Variants in FOXB1 observed in about 807,000 individuals in gnomAD.
FOXB1 encodes the protein forkhead box protein B1.
A neutral mutation model predicts 18.6 loss-of-function variants in FOXB1; 6 were observed. That is an observed-to-expected ratio of 0.32 (90% CI 0.18 to 0.64). FOXB1 has a LOEUF of 0.64. Ranked by LOEUF, FOXB1 falls within the 30% of genes least tolerant of loss-of-function variation. The probability of loss-of-function intolerance (pLI) is 0.78; values close to 1 mark genes in which losing one functional copy is unlikely to be tolerated. For missense variants in FOXB1, 419 were observed against 463.6 expected (o/e 0.90, Z 0.88); for synonymous variants, 213 against 216.0 (o/e 0.99, Z 0.12).
At position 60,006,142 on chromosome 15, in the gene FOXB1, G is replaced by T. The variant is rs902488020; in HGVS notation, c.*201G>T. On this transcript the variant is annotated 3_prime_UTR_variant, in exon 2 of 2. Coordinates refer to ENST00000396057, the MANE Select transcript of FOXB1 (RefSeq NM_012182.3). The stretch of plus-strand genomic sequence containing the variant: ...AACTTGCAGATGGGCCGAGAGGCGC[G>T]TGGGAGTTGTCCTCGCCCCCACATC... The T allele has an allele frequency of 3.3e-4, 215 of 655,546 alleles. 2 individuals carry two copies. Among genetic ancestry groups the T allele is most frequent in the South Asian group, 2.0e-4 (9 of 46,030 alleles). 40.6% of individuals were successfully genotyped at this position (655,546 alleles called of 1,614,324 possible). A position where few individuals can be genotyped will look rare whatever the true frequency, so the allele number is the denominator to read the frequency against.
chr15:60,005,515 G>A lies in FOXB1; in HGVS notation c.552G>A (p.Gly184=), dbSNP rs887970000. The A allele has an allele frequency of 1.2e-6, 2 of 1,611,174 alleles. No individual in the cohort carries two copies. The highest frequency in any genetic ancestry group is 1.7e-6 in the Non-Finnish European group (2 of 1,179,352). The change falls in exon 2 of 2, where the codon GGG becomes GGA. Residue 184 remains glycine, a synonymous_variant. Transcript: ENST00000396057. The surrounding 1 kb of genome is among the most constrained non-coding windows in gnomAD (Gnocchi z 9.8). ...TCGCGCGGGAATACAAGATGCCTGG[G>A]GGGCTGGCCTTCTCCGCCATGCAGC... ...NIIAREYKMP[G]GLAFSAMQPV... is the part of the protein sequence containing the mutation.
Position 60,004,943 on chromosome 15 carries a change from A to C in FOXB1, c.-21A>C, listed in dbSNP as rs772040881. The C allele has an allele frequency of 2.5e-6, 4 of 1,598,778 alleles. No individual in the cohort carries two copies. In the East Asian group the frequency reaches 6.7e-5, roughly 27 times the overall value. On this transcript the variant is annotated 5_prime_UTR_variant, in exon 2 of 2. Coordinates refer to ENST00000396057, the MANE Select transcript of FOXB1 (RefSeq NM_012182.3). Reference sequence around the variant, plus strand: ...CCGCCGGCCCGCGCGGACCCAGAGCAAGAAGAGGGCGAGGAAGAAGATGCC... The same window carrying C: ...CCGCCGGCCCGCGCGGACCCAGAGCCAGAAGAGGGCGAGGAAGAAGATGCC...
chr15:60,005,785 TGCGCTGCCA>T lies in FOXB1; in HGVS notation c.827_835del (p.Leu276_Ala278del). Reference sequence around the variant, plus strand: ...CGCCGGCCGCCGTGCCCGCGCTGCCTGCGCTGCCAGCGCCCATCCCCACCTTGCTCTCGA... The same window carrying T: ...CGCCGGCCGCCGTGCCCGCGCTGCCTGCGCCCATCCCCACCTTGCTCTCGA... On this transcript the variant is annotated inframe_deletion, in exon 2 of 2. Transcript: ENST00000396057. The surrounding 1 kb of genome is among the most constrained non-coding windows in gnomAD (Gnocchi z 9.8). The T allele has an allele frequency of 1.2e-6, 2 of 1,603,854 alleles. No homozygotes were observed. Among genetic ancestry groups the T allele is most frequent in the Non-Finnish European group, 1.7e-6 (2 of 1,177,314 alleles).
At chr15:60,004,874 G>A in intron 1 of FOXB1, 33 bp from the exon 2 acceptor site, 5 of 1,421,434 alleles carry the variant, frequency 3.5e-6, no homozygotes, top group Non-Finnish European at 4.7e-6. Context: ...GTGCATCCAT[G>A]CTACCTTTCC....
rs1266125914 is a variant in FOXB1, at chr15:60,005,007, C to A, written c.44C>A (p.Pro15His). 1.2e-6 allele frequency: 2 copies of A among 1,614,024 alleles called. No homozygotes were observed. Among genetic ancestry groups the A allele is most frequent in the Non-Finnish European group, 1.7e-6 (2 of 1,179,948 alleles). ...GRNTYSDQKP[P>H]YSYISLTAMA... The stretch of plus-strand genomic sequence containing the variant: ...AACACGTACAGCGACCAGAAGCCGC[C>A]CTACTCGTACATCTCGCTGACCGCT... Residue 15 changes from proline (P) to histidine (H), a missense_variant, in exon 2 of 2, where the codon CCC becomes CAC. Around this residue, in one of 3 missense-constraint regions of FOXB1, gnomAD observed 153 missense variants for 173.8 expected, o/e 0.88. Coordinates refer to ENST00000396057, the MANE Select transcript of FOXB1 (RefSeq NM_012182.3). This position sits in a 1 kb window ranked among gnomAD's most constrained non-coding sequence, Gnocchi z 9.8.
At chr15:60,004,834 C>A in intron 1 of FOXB1, 73 bp from the exon 2 acceptor site, 2 of 315,460 alleles carry the variant, frequency 6.3e-6, no homozygotes, top group Non-Finnish European at 1.1e-5. Context: ...AAGTCTGTTA[C>A]TCGGTCTGGC....
chr15:60,004,613 A>C lies in FOXB1; in HGVS notation c.-88A>C. 5.2e-6 allele frequency: 1 copy of C among 192,698 alleles called. No homozygotes were observed. The allele number at this position is 192,698 out of a possible 1,614,324, so 11.9% of individuals were successfully genotyped here. A position where few individuals can be genotyped will look rare whatever the true frequency, so the allele number is the denominator to read the frequency against. On this transcript the variant is annotated 5_prime_UTR_variant, in exon 1 of 2. It removes an upstream start codon present in the reference 5' UTR. Transcript: ENST00000396057. ...GCGGCGCGCAGCGGCGTCCTCCCGGATGCGGACGCGCAACTTGAAGCAACT... is the reference window on the plus strand; with the variant it reads ...GCGGCGCGCAGCGGCGTCCTCCCGGCTGCGGACGCGCAACTTGAAGCAACT...
In FOXB1 at chr15:60,006,363, A is replaced by C; in HGVS notation, c.*422A>C. On this transcript the variant is annotated 3_prime_UTR_variant, in exon 2 of 2. Transcript: ENST00000396057. Reference sequence around the variant, plus strand: ...GAAACTGCCTCAGATGTTTCCAGGAACAGATCCCCCCCACACCCCCTCCCC... The same window carrying C: ...GAAACTGCCTCAGATGTTTCCAGGACCAGATCCCCCCCACACCCCCTCCCC... 5.6e-6 allele frequency: 1 copy of C among 179,656 alleles called. No individual in the cohort carries two copies. The highest frequency in any genetic ancestry group is 1.1e-5 in the Non-Finnish European group (1 of 87,240). 11.1% of individuals were successfully genotyped at this position (179,656 alleles called of 1,614,324 possible).
Position 60,005,837 on chromosome 15 carries a change from A to T in FOXB1, c.874A>T (p.Ser292Cys). 6.2e-7 allele frequency: 1 copy of T among 1,603,882 alleles called. No homozygotes were observed. The highest frequency in any genetic ancestry group is 1.1e-5 in the South Asian group (1 of 90,156). ...TLLSNSPPSLSPTSSQTATSQ... is the reference protein window; with the variant it reads ...TLLSNSPPSLCPTSSQTATSQ... ...GCTCTCGAACTCGCCGCCCTCGCTC[A>T]GCCCCACGTCCTCGCAAACAGCCAC... is the stretch of plus-strand genomic sequence containing the variant. The change falls in exon 2 of 2, where the codon AGC becomes TGC. Residue 292 changes from serine (S) to cysteine (C), a missense_variant. Transcript: ENST00000396057. This position sits in a 1 kb window ranked among gnomAD's most constrained non-coding sequence, Gnocchi z 9.8.
At position 60,005,945 on chromosome 15, in the gene FOXB1, G is replaced by C. The variant is rs760413711; in HGVS notation, c.*4G>C. ...GCACTCGGTGGCGGTGCACTGACCC[G>C]CAGGAGCCCACGCCCCCTCTCGTTC... On this transcript the variant is annotated 3_prime_UTR_variant, in exon 2 of 2. Coordinates refer to ENST00000396057, the MANE Select transcript of FOXB1 (RefSeq NM_012182.3). This position sits in a 1 kb window ranked among gnomAD's most constrained non-coding sequence, Gnocchi z 9.8. 2 of 1,574,824 alleles carry C rather than the reference G, an allele frequency of 1.3e-6. No homozygotes were observed. The highest frequency in any genetic ancestry group is 1.7e-6 in the Non-Finnish European group (2 of 1,166,028).
In FOXB1 at chr15:60,005,880, C is replaced by A. The variant is rs1168196405; in HGVS notation, c.917C>A (p.Ala306Asp). Residue 306 changes from alanine (A) to aspartate (D), a missense_variant, in exon 2 of 2, where the codon GCC becomes GAC. Physicochemically the swap from Ala to Asp is moderately radical, Grantham distance 126 (BLOSUM62 -2). This residue lies in a region of FOXB1 where 195 missense variants were observed against 179.8 expected (regional missense o/e 1.08). Transcript: ENST00000396057. The surrounding 1 kb of genome is among the most constrained non-coding windows in gnomAD (Gnocchi z 9.8). ...SQTATSQSSP[A>D]TPSETLTSPA... Reference sequence around the variant, plus strand: ...ACAGCCACCAGCCAAAGCAGCCCCGCCACCCCCAGCGAAACGCTCACCAGC... The same window carrying A: ...ACAGCCACCAGCCAAAGCAGCCCCGACACCCCCAGCGAAACGCTCACCAGC... 6.3e-7 allele frequency: 1 copy of A among 1,597,674 alleles called. No individual in the cohort carries two copies. Among genetic ancestry groups the A allele is most frequent in the Non-Finnish European group, 8.5e-7 (1 of 1,173,966 alleles).
rs1892062167 is a variant in FOXB1 at position 60,004,333 on chromosome 15, A to AT, written c.-367dup. ...ACTATCAGATGGTTCGAGGGAGGACATGGAGGCAGCCACCTAGCTCAGCGG... is the reference window on the plus strand; with the variant it reads ...ACTATCAGATGGTTCGAGGGAGGACATTGGAGGCAGCCACCTAGCTCAGCGG... On this transcript the variant is annotated 5_prime_UTR_variant, in exon 1 of 2. It removes an upstream start codon present in the reference 5' UTR. Coordinates refer to ENST00000396057, the MANE Select transcript of FOXB1 (RefSeq NM_012182.3). The AT allele has an allele frequency of 2.0e-5, 3 of 152,356 alleles. 1 individual carries two copies. The highest frequency in any genetic ancestry group is 4.4e-5 in the Non-Finnish European group (3 of 68,086). 9.4% of individuals were successfully genotyped at this position (152,356 alleles called of 1,614,324 possible).
In FOXB1 at chr15:60,005,175, T is replaced by TC. The variant is rs1567133559; in HGVS notation, c.213dup (p.Ile72HisfsTer42). ...CACAACCTCTCCTTCAACGACTGCTTCATCAAGATCCCGCGGCGGCCGGAC... is the reference window on the plus strand; with the variant it reads ...CACAACCTCTCCTTCAACGACTGCTTCCATCAAGATCCCGCGGCGGCCGGAC... On this transcript the variant is annotated frameshift_variant, in exon 2 of 2. Coordinates refer to ENST00000396057, the MANE Select transcript of FOXB1 (RefSeq NM_012182.3). LOFTEE classifies it high-confidence loss of function. This position sits in a 1 kb window ranked among gnomAD's most constrained non-coding sequence, Gnocchi z 9.8. The TC allele has an allele frequency of 6.2e-7, 1 of 1,614,176 alleles. No homozygotes were observed. Among genetic ancestry groups the TC allele is most frequent in the Non-Finnish European group, 8.5e-7 (1 of 1,180,028 alleles).
Position 60,004,932 on chromosome 15 carries a change from G to A in FOXB1, c.-32G>A. On this transcript the variant is annotated 5_prime_UTR_variant, in exon 2 of 2. Coordinates refer to ENST00000396057, the MANE Select transcript of FOXB1 (RefSeq NM_012182.3). The stretch of plus-strand genomic sequence containing the variant: ...ATCCGAGCAGTCCGCCGGCCCGCGC[G>A]GACCCAGAGCAAGAAGAGGGCGAGG... 2 of 1,586,974 alleles carry A rather than the reference G, an allele frequency of 1.3e-6. No individual in the cohort carries two copies. The highest frequency in any genetic ancestry group is 1.7e-6 in the Non-Finnish European group (2 of 1,166,074).
In FOXB1 at chr15:60,005,457, G is replaced by T. The variant is rs185361903; in HGVS notation, c.494G>T (p.Gly165Val). The T allele has an allele frequency of 3.7e-4, 597 of 1,611,634 alleles. 7 individuals carry two copies. The East Asian group carries it at 0.011, about 31-fold the overall frequency. Residue 165 changes from glycine to valine, a missense_variant, in exon 2 of 2, where the codon GGC (glycine) becomes GTC (valine). By Grantham distance (109) the Gly-to-Val change is moderately radical (BLOSUM62 -3). Coordinates refer to ENST00000396057, the MANE Select transcript of FOXB1 (RefSeq NM_012182.3). This position sits in a 1 kb window ranked among gnomAD's most constrained non-coding sequence, Gnocchi z 9.8. ...TTGGGCGGCGTGGCGCAGCCCTCGG[G>T]CTTCAAGCACCCCTTCGCCATCGAG... ...YNLGGVAQPS[G>V]FKHPFAIENI...
In FOXB1 at chr15:60,005,092, C is replaced by T. The variant is rs150894965; in HGVS notation, c.129C>T (p.Ile43=). 2.5e-6 allele frequency: 4 copies of T among 1,614,094 alleles called. No individual in the cohort carries two copies. In the African/African-American group the frequency reaches 4.0e-5, roughly 16 times the overall value. ...CGCTGAGCGAGATCTACAAGTTCATCATGGACCGCTTCCCCTACTACAGGG... is the reference window on the plus strand; with the variant it reads ...CGCTGAGCGAGATCTACAAGTTCATTATGGACCGCTTCCCCTACTACAGGG... ...MLPLSEIYKF[I]MDRFPYYREN... Residue 43 remains isoleucine (I), a synonymous_variant, in exon 2 of 2, where the codon ATC becomes ATT. Transcript: ENST00000396057. The surrounding 1 kb of genome is among the most constrained non-coding windows in gnomAD (Gnocchi z 9.8).
Position 60,005,956 on chromosome 15 carries a change from C to T in FOXB1, c.*15C>T. The T allele has an allele frequency of 6.4e-7, 1 of 1,562,154 alleles. No homozygotes were observed. On this transcript the variant is annotated 3_prime_UTR_variant, in exon 2 of 2. Transcript: ENST00000396057. The surrounding 1 kb of genome is among the most constrained non-coding windows in gnomAD (Gnocchi z 9.8). Reference sequence around the variant, plus strand: ...CGGTGCACTGACCCGCAGGAGCCCACGCCCCCTCTCGTTCTCCTCCCCACC... The same window carrying T: ...CGGTGCACTGACCCGCAGGAGCCCATGCCCCCTCTCGTTCTCCTCCCCACC...
rs1892092611 is a variant in FOXB1 at position 60,006,005 on chromosome 15, C to T, written c.*64C>T. On this transcript the variant is annotated 3_prime_UTR_variant, in exon 2 of 2. Transcript: ENST00000396057. ...CCACCTCACTCGCCTTCCCTGGCTC[C>T]CAGTCCTGCCGGCCCCCACCTGGGA... The T allele has an allele frequency of 4.1e-6, 6 of 1,480,546 alleles. No individual in the cohort carries two copies. The highest frequency in any genetic ancestry group is 2.1e-5 in the Admixed American group (1 of 47,052). The allele number at this position is 1,480,546 out of a possible 1,614,324, so 91.7% of individuals were successfully genotyped here.
chr15:60,005,899 C>A lies in FOXB1; in HGVS notation c.936C>A (p.Leu312=). 6.3e-7 allele frequency: 1 copy of A among 1,595,578 alleles called. No individual in the cohort carries two copies. The highest frequency in any genetic ancestry group is 8.5e-7 in the Non-Finnish European group (1 of 1,174,102). The change falls in exon 2 of 2, where the codon CTC becomes CTA. Residue 312 remains leucine, a synonymous_variant. Coordinates refer to ENST00000396057, the MANE Select transcript of FOXB1 (RefSeq NM_012182.3). The surrounding 1 kb of genome is among the most constrained non-coding windows in gnomAD (Gnocchi z 9.8). ...GCCCCGCCACCCCCAGCGAAACGCTCACCAGCCCGGCCTCCGCCTTGCACT... is the reference window on the plus strand; with the variant it reads ...GCCCCGCCACCCCCAGCGAAACGCTAACCAGCCCGGCCTCCGCCTTGCACT... ...QSSPATPSET[L]TSPASALHSV...
Sources: allele counts gnomAD v4.1 joint callset, GRCh38; gene constraint gnomAD v4.1.1; regional missense constraint gnomAD v4.1.1; non-coding constraint Gnocchi (gnomAD v3.1); transcripts MANE v1.5; gene names NCBI Gene and HGNC (gene_info 2026-07-23, HGNC 2026-07-21).